ERICH2: variants seen among roughly 807,000 people sequenced by gnomAD.
ERICH2 encodes the protein glutamate-rich protein 2.
Under a neutral mutation model 17.4 loss-of-function variants are expected in ERICH2, and 17 were observed. The observed-to-expected ratio is 0.98, with a 90% CI of 0.67 to 1.47. ERICH2 has a LOEUF of 1.47. Ranked by LOEUF, ERICH2 falls within the 40% of genes most tolerant of loss-of-function variation. The pLI, the probability that ERICH2 is intolerant of heterozygous loss-of-function variation, is 0.00. For synonymous variants in ERICH2, 51 were observed against 61.1 expected, an observed-to-expected ratio of 0.83 and a Z score of 0.77; for missense variants, 186 against 183.2, an observed-to-expected ratio of 1.01 and a Z score of -0.09.
At chr2:170,798,163 A>C in intron 4 of ERICH2, 51 bp downstream of exon 9, 1 of 1,187,862 alleles carries the variant, frequency 8.4e-7, no homozygotes. Flanking sequence ...ATAAGCAGTC[A>C]CTTTAAAAAC....
chr2:170,796,163 G>A (rs753009024), intron 3 of ERICH2, among the ~76,000 whole-genome samples: 1 of 152,122 alleles, frequency 6.6e-6, no homozygotes, highest in Non-Finnish European at 1.5e-5. Context: ...TTAGTCCAAG[G>A]TAAAATGTGC....
intron 2 of ERICH2, among the ~76,000 whole-genome samples, chr2:170,791,927 CTT>C (rs1701300777): frequency 6.6e-6 from 1 of 152,106 alleles, no homozygotes; most frequent in East Asian, 1.9e-4. Context: ...AGAAGGGTCT[CTT>C]TCATATTACT....
chr2:170,772,086 A>G, the ERICH2 span, among the ~76,000 whole-genome samples: 2 of 152,344 alleles, frequency 1.3e-5, no homozygotes, highest in Non-Finnish European at 2.9e-5. Context: ...CTGGAGAACA[A>G]TAATAACAAT....
At chr2:170,795,535 G>A (rs1701395024) in intron 3 of ERICH2, among the ~76,000 whole-genome samples, 3 of 151,990 alleles carry the variant, frequency 2.0e-5, no homozygotes, top group Non-Finnish European at 2.9e-5. Flanking sequence ...TTTTGTAGAG[G>A]CGGGGTTTCA....
chr2:170,783,857 C>G (rs1227307260), exon 1 of ERICH2: 1 of 1,550,358 alleles, frequency 6.5e-7, no homozygotes, highest in African/African-American at 1.4e-5. Flanking sequence ...TGTAAATGAA[C>G]CAGAAACAGG....
At chr2:170,798,064 C>A (rs1166652234) in exon 4 of ERICH2, 1 of 1,549,238 alleles carries the variant, frequency 6.5e-7, no homozygotes, top group Admixed American at 2.0e-5. Flanking sequence ...ACCAGAAAAT[C>A]CTGAGGCCAA....
At chr2:170,784,465 C>G (rs922251822) in intron 1 of ERICH2, among the ~76,000 whole-genome samples, 181 bp from the exon 7 acceptor site, 1 of 151,994 alleles carries the variant, frequency 6.6e-6, no homozygotes, top group Non-Finnish European at 1.5e-5. Flanking sequence ...TAGTACATAC[C>G]GCCTTGATGT....
chr2:170,797,953 C>A, intron 3 of ERICH2, 88 bp from the exon 9 acceptor site: 5 of 843,036 alleles, frequency 5.9e-6, no homozygotes, highest in Non-Finnish European at 9.8e-6. Flanking sequence ...CCTGCTCTGA[C>A]TGACAGTTCA....
chr2:170,770,958 T>C, the ERICH2 span, among the ~76,000 whole-genome samples: 14 of 138,752 alleles, frequency 1.0e-4, no homozygotes, highest in African/African-American at 3.5e-4. Context: ...CTCTCCGTGG[T>C]TCCCCGGGCT....
chr2:170,773,666 G>T, the ERICH2 span, among the ~76,000 whole-genome samples: 161 of 152,312 alleles, frequency 1.1e-3, no homozygotes, highest in African/African-American at 3.7e-3. Flanking sequence ...TGTCCCCAGA[G>T]TTTAGCATAG....
chr2:170,774,015 C>A, the ERICH2 span, among the ~76,000 whole-genome samples: 1 of 152,194 alleles, frequency 6.6e-6, no homozygotes, highest in African/African-American at 2.4e-5. Flanking sequence ...AGCCACGACA[C>A]CTGACCCAAA....
At chr2:170,786,903 T>C (rs1415750420) in intron 2 of ERICH2, among the ~76,000 whole-genome samples, 7 of 152,248 alleles carry the variant, frequency 4.6e-5, no homozygotes, top group Non-Finnish European at 5.9e-5. Flanking sequence ...TTTGAGCATA[T>C]GGCATATAAT....
At position 170,792,077 on chromosome 2, in the gene ERICH2, A is replaced by G. The variant is rs191519901; in HGVS notation, c.217-786A>G. 5.8e-3 allele frequency among the ~76,000 whole-genome samples: 889 copies of G among 152,368 alleles called. 34 individuals are homozygous for G. Among genetic ancestry groups the G allele is most frequent in the Admixed American group, 0.053 (806 of 15,302 alleles). On this transcript the variant is annotated intron_variant, in intron 2 of 4. Coordinates refer to ENST00000409885, the Ensembl canonical transcript of ERICH2. Reference sequence around the variant, plus strand: ...TTTAATGGAAGCAGTCTAAATAGCTATAATAGAAGATTAGTTTAGTAAATT... The same window carrying G: ...TTTAATGGAAGCAGTCTAAATAGCTGTAATAGAAGATTAGTTTAGTAAATT...
chr2:170,771,034 C>A, the ERICH2 span: 1 of 151,746 alleles, frequency 6.6e-6, no homozygotes. The surrounding 1 kb of genome is among the most constrained non-coding windows in gnomAD (Gnocchi z 4.8). Flanking sequence ...AGCCCCCACC[C>A]TCGGCTGCTG....
At chr2:170,781,394 G>A (rs1292174555), upstream of ERICH2, among the ~76,000 whole-genome samples, 1 of 152,130 alleles carries the variant, frequency 6.6e-6, no homozygotes, top group Non-Finnish European at 1.5e-5. Context: ...CCAGCACTTT[G>A]GAAGGCCGAG....
rs143720190 is a variant in ERICH2, at chr2:170,797,948, TCTGA to T, written c.275-87_275-84del. On this transcript the variant is annotated intron_variant, in intron 3 of 4. Coordinates refer to ENST00000409885, the Ensembl canonical transcript of ERICH2. The stretch of plus-strand genomic sequence containing the variant: ...TTATTGCATTGTGCCTTTCACCTGC[TCTGA>T]CTGACAGTTCAATTTCATTCTAAGG... 138 of 804,200 alleles carry T rather than the reference TCTGA, an allele frequency of 1.7e-4. No individual in the cohort carries two copies. In the African/African-American group the frequency reaches 2.0e-3, roughly 12 times the overall value. 49.8% of individuals were successfully genotyped at this position (804,200 alleles called of 1,614,324 possible).
At chr2:170,770,825 G>T in the ERICH2 span, 1 of 149,478 alleles carries the variant, frequency 6.7e-6, no homozygotes, top group Admixed American at 6.7e-5. Flanking sequence ...CCCTCAGCTC[G>T]GCCGCCCGCC....
chr2:170,791,773 T>C (rs1701297147), intron 2 of ERICH2, among the ~76,000 whole-genome samples: 1 of 151,820 alleles, frequency 6.6e-6, no homozygotes, highest in African/African-American at 2.4e-5. Flanking sequence ...ATGAAATTAA[T>C]GACTTATAGA....
intron 1 of ERICH2, chr2:170,783,920 T>C: frequency 1.3e-6 from 2 of 1,550,080 alleles, no homozygotes; most frequent in Non-Finnish European, 1.7e-6. Flanking sequence ...GAACTTGATA[T>C]TCCTTTTCAG....
Sources: allele counts gnomAD v4.1 joint callset (sites outside exome capture counted in the v4.1 genomes callset), GRCh38; gene constraint gnomAD v4.1.1; non-coding constraint Gnocchi (gnomAD v3.1); transcripts MANE v1.5; gene names NCBI Gene and HGNC (gene_info 2026-07-23, HGNC 2026-07-21).